DCAF8L2: variants seen among roughly 807,000 people sequenced by gnomAD.
DCAF8L2 encodes the protein DDB1 and CUL4 associated factor 8 like 2.
For synonymous variants in DCAF8L2, 200 were observed against 190.9 expected (o/e 1.05, Z -0.39); for missense variants, 430 against 490.7 (o/e 0.88, Z 1.17).
At chrX:27,547,847 C>CTCTCTCTCTCTCTCTCTCTCTCTCTT in the DCAF8L2 span, among the ~76,000 whole-genome samples, 1 of 37,701 alleles carries the variant, frequency 2.7e-5, no homozygotes, top group Non-Finnish European at 4.2e-5. Flanking sequence ...CTCTCTCTTT[C>CTCTCTCTCTCTCTCTCTCTCTCTCTT]TCTCTCTCTC....
At chrX:27,490,469 G>GT in the DCAF8L2 span, among the ~76,000 whole-genome samples, 2,325 of 107,046 alleles carry the variant, frequency 0.022, 78 homozygotes, top group African/African-American at 0.075. Flanking sequence ...TTTGTTTTTT[G>GT]TTTTTTTTTG....
intron 4 of DCAF8L2, among the ~76,000 whole-genome samples, chrX:27,724,917 T>A (rs1021770383): frequency 9.0e-6 from 1 of 110,954 alleles, no homozygotes; most frequent in Non-Finnish European, 1.9e-5. Context: ...GACATTACTA[T>A]AAGTAAGTGT....
intron 4 of DCAF8L2, among the ~76,000 whole-genome samples, chrX:27,735,748 T>C (rs1921484995): frequency 9.0e-6 from 1 of 111,679 alleles, no homozygotes; most frequent in Non-Finnish European, 1.9e-5. Flanking sequence ...GGATGGAATC[T>C]AGAAGCACAT....
chrX:27,518,195 C>T, the DCAF8L2 span: 1 of 914,755 alleles, frequency 1.1e-6, no homozygotes, highest in Non-Finnish European at 1.6e-6. Context: ...GTTCTTTTGG[C>T]TTCCTATGCT....
chrX:27,515,297 C>T, the DCAF8L2 span, among the ~76,000 whole-genome samples: 1 of 112,322 alleles, frequency 8.9e-6, no homozygotes, highest in African/African-American at 3.2e-5. Flanking sequence ...TTACCAAATA[C>T]TCATAAGTGT....
chrX:27,631,162 A>G (rs909392090), intron 1 of DCAF8L2, among the ~76,000 whole-genome samples: 1 of 112,044 alleles, frequency 8.9e-6, no homozygotes, highest in African/African-American at 3.2e-5. Flanking sequence ...TCTTTTTAAT[A>G]GGAGTAGAAA....
chrX:27,493,932 T>C, the DCAF8L2 span, among the ~76,000 whole-genome samples: 8 of 111,053 alleles, frequency 7.2e-5, no homozygotes, highest in African/African-American at 2.3e-4. Flanking sequence ...AGATGTCTCA[T>C]AATTTTGTTC....
intron 2 of DCAF8L2, among the ~76,000 whole-genome samples, chrX:27,643,151 C>T (rs1419331866): frequency 8.9e-6 from 1 of 111,892 alleles, no homozygotes; most frequent in Non-Finnish European, 1.9e-5. Flanking sequence ...TGAAGAATCT[C>T]CACACTGTTT....
chrX:27,562,459 C>T, the DCAF8L2 span, among the ~76,000 whole-genome samples: 1 of 112,482 alleles, frequency 8.9e-6, no homozygotes, highest in African/African-American at 3.2e-5. Flanking sequence ...TCTAAAACAC[C>T]ATCTTATTGC....
At chrX:27,560,124 G>A in the DCAF8L2 span, among the ~76,000 whole-genome samples, 563 of 109,823 alleles carry the variant, frequency 5.1e-3, 3 homozygotes, top group African/African-American at 0.017. Flanking sequence ...AAAATTAGCC[G>A]GGCGTGGTGG....
chrX:27,728,615 A>G (rs1354074133), intron 4 of DCAF8L2, among the ~76,000 whole-genome samples: 6 of 111,189 alleles, frequency 5.4e-5, no homozygotes, highest in Admixed American at 4.8e-4. Context: ...CCCCTGTGCT[A>G]GTTTTCAATC....
intron 1 of DCAF8L2, among the ~76,000 whole-genome samples, chrX:27,626,413 C>T (rs1310420454): frequency 8.9e-6 from 1 of 111,920 alleles, no homozygotes; most frequent in African/African-American, 3.2e-5. Flanking sequence ...TGAGAGGAAT[C>T]TGGGAATGTA....
intron 2 of DCAF8L2, among the ~76,000 whole-genome samples, chrX:27,668,890 G>A (rs1319760758): frequency 9.2e-6 from 1 of 108,893 alleles, no homozygotes; most frequent in Non-Finnish European, 1.9e-5. Context: ...AGCCGGGATC[G>A]TGCCACTGCA....
intron 1 of DCAF8L2, among the ~76,000 whole-genome samples, chrX:27,600,252 A>T (rs1425488715): frequency 8.9e-6 from 1 of 112,304 alleles, no homozygotes; most frequent in Admixed American, 9.4e-5. Context: ...AAATAAATTG[A>T]CAAGAAGACA....
At chrX:27,540,879 T>C in the DCAF8L2 span, among the ~76,000 whole-genome samples, 9 of 111,668 alleles carry the variant, frequency 8.1e-5, no homozygotes, top group African/African-American at 1.3e-4. Context: ...TAAAAAATAA[T>C]AACAATTTAG....
At chrX:27,508,729 C>T in the DCAF8L2 span, among the ~76,000 whole-genome samples, 1 of 103,685 alleles carries the variant, frequency 9.6e-6, no homozygotes, top group African/African-American at 3.5e-5. Context: ...TTGGCACTGA[C>T]CACTTCAGTT....
chrX:27,613,099 G>A (rs1377110702), intron 1 of DCAF8L2, among the ~76,000 whole-genome samples: 3 of 111,325 alleles, frequency 2.7e-5, no homozygotes, highest in South Asian at 3.8e-4. Context: ...ATGTGTTTCC[G>A]TTTGTTTGTG....
At chrX:27,546,926 T>A in the DCAF8L2 span, among the ~76,000 whole-genome samples, 1 of 112,575 alleles carries the variant, frequency 8.9e-6, no homozygotes, top group African/African-American at 3.2e-5. Flanking sequence ...GTCTTAGTGA[T>A]TAACATTTGG....
chrX:27,715,366 C>CAAAAAAA lies in DCAF8L2; in HGVS notation c.-142-709_-142-703dup, dbSNP rs35269496. Among the ~76,000 whole-genome samples the CAAAAAAA allele has an allele frequency of 3.5e-5, 2 of 57,008 alleles. 1 individual carries two copies. 49.5% of individuals were successfully genotyped at this position (57,008 alleles called of 115,157 possible). A position where few individuals can be genotyped will look rare whatever the true frequency, so the allele number is the denominator to read the frequency against. ...TGGGCGACAGAGCGAGACTCCGTCT[C>CAAAAAAA]AAAAAAAAAAAAAAAAAAAGGAACT... On this transcript the variant is annotated intron_variant, in intron 3 of 4. Coordinates refer to ENST00000451261, the MANE Select transcript of DCAF8L2 (RefSeq NM_001353450.2).
Sources: gnomAD v4.1 joint callset for allele counts (sites outside exome capture counted in the v4.1 genomes callset) on GRCh38, gnomAD v4.1.1 for gene constraint, MANE v1.5 for transcripts, NCBI Gene and HGNC (gene_info 2026-07-23, HGNC 2026-07-21) for gene names.